Variants in STAG2 observed in about 807,000 individuals in gnomAD.
STAG2 encodes STAG2 cohesin complex component.
A neutral mutation model predicts 108.1 loss-of-function variants in STAG2; 14 were observed. That is an observed-to-expected ratio of 0.13 (90% CI 0.09 to 0.20). STAG2 has a LOEUF of 0.20. Ranked by LOEUF, STAG2 falls within the 10% of genes least tolerant of loss-of-function variation. STAG2 has a pLI of 1.00. For synonymous variants in STAG2, 307 were observed against 302.7 expected, an observed-to-expected ratio of 1.01 and a Z score of -0.15; for missense variants, 440 against 940.9, an observed-to-expected ratio of 0.47 and a Z score of 6.96.
chrX:123,992,871 C>A (rs186296274), intron 1 of STAG2, among the ~76,000 whole-genome samples: 1 of 110,563 alleles, frequency 9.0e-6, no homozygotes, highest in Non-Finnish European at 1.9e-5. Context: ...AAGAATGATT[C>A]TGCATTGAGT....
chrX:124,045,562 A>G (rs2057846576), intron 8 of STAG2, among the ~76,000 whole-genome samples, 194 bp downstream of exon 8: 1 of 111,514 alleles, frequency 9.0e-6, no homozygotes, highest in Non-Finnish European at 1.9e-5. Flanking sequence ...TTGTGAAGGT[A>G]TACTATAACT....
chrX:123,991,658 A>C (rs1344546508), intron 1 of STAG2, among the ~76,000 whole-genome samples: 3 of 103,695 alleles, frequency 2.9e-5, no homozygotes, highest in African/African-American at 1.1e-4. Flanking sequence ...CGGCCCAACA[A>C]CTATTTTCTT....
intron 4 of STAG2, among the ~76,000 whole-genome samples, chrX:124,027,216 G>A (rs1199708267): frequency 8.9e-6 from 1 of 111,974 alleles, no homozygotes; most frequent in Non-Finnish European, 1.9e-5. Context: ...ACCACGCCTG[G>A]CCATTCTCTT....
intron 1 of STAG2, among the ~76,000 whole-genome samples, chrX:123,977,065 C>T (rs949429645): frequency 2.4e-4 from 27 of 111,668 alleles, no homozygotes; most frequent in African/African-American, 8.8e-4. Flanking sequence ...TTTGAAGTTG[C>T]ATGTGATATG....
intron 1 of STAG2, among the ~76,000 whole-genome samples, chrX:123,976,775 A>G (rs2054640628): frequency 8.9e-6 from 1 of 111,776 alleles, no homozygotes. Flanking sequence ...ATTGTTAGAG[A>G]CTTGCCCAAG....
intron 4 of STAG2, among the ~76,000 whole-genome samples, chrX:124,028,823 T>TATATATA (rs1491294090): frequency 4.7e-4 from 24 of 50,577 alleles, no homozygotes; most frequent in African/African-American, 1.5e-3. Flanking sequence ...TATATATATA[T>TATATATA]TTTTTTTTTT....
intron 16 of STAG2, 28 bp from the exon 17 acceptor site, chrX:124,061,743 C>CTTTTTTTTT (rs36097834): frequency 4.4e-5 from 21 of 474,380 alleles, no homozygotes; most frequent in Middle Eastern, 6.6e-4. Context: ...CTCTTTCTGA[C>CTTTTTTTTT]TTTTTTTTTT....
intron 1 of STAG2, among the ~76,000 whole-genome samples, chrX:123,966,019 T>A (rs2054078279): frequency 9.0e-6 from 1 of 110,685 alleles, no homozygotes; most frequent in Non-Finnish European, 1.9e-5. Flanking sequence ...AAAAATAAAC[T>A]AAAATGTACA....
At chrX:124,083,206 TTG>T (rs199790131) in intron 28 of STAG2, among the ~76,000 whole-genome samples, 4 of 107,064 alleles carry the variant, frequency 3.7e-5, no homozygotes, top group African/African-American at 1.0e-4. Context: ...GTGTGTGTGT[TTG>T]TGTGTGTGTG....
chrX:124,080,630 G>A (rs1004305246), intron 27 of STAG2, among the ~76,000 whole-genome samples: 2 of 110,050 alleles, frequency 1.8e-5, no homozygotes, highest in Non-Finnish European at 3.8e-5. Context: ...GGAGGTTGCA[G>A]TGAGCCAAGA....
chrX:124,037,686 G>GTGCTAACA, intron 6 of STAG2, 63 bp downstream of exon 6: 2 of 704,552 alleles, frequency 2.8e-6, no homozygotes, highest in Non-Finnish European at 4.2e-6. Flanking sequence ...TCCACCTAAA[G>GTGCTAACA]AGATGTTGTT....
chrX:124,065,803 A>T, intron 20 of STAG2, 73 bp from the exon 21 acceptor site: 1 of 712,633 alleles, frequency 1.4e-6, no homozygotes, highest in Non-Finnish European at 2.0e-6. Context: ...TCATTTTTCA[A>T]GGTAATAGTG....
intron 8 of STAG2, among the ~76,000 whole-genome samples, chrX:124,047,119 C>T (rs897533977): frequency 2.7e-5 from 3 of 111,218 alleles, no homozygotes; most frequent in Non-Finnish European, 5.7e-5. Flanking sequence ...TCAATTTTGC[C>T]GTGAATGAAA....
chrX:124,061,743 C>CTTTTTTTTTTTTT (rs36097834), intron 16 of STAG2, 28 bp from the exon 17 acceptor site: 3 of 474,389 alleles, frequency 6.3e-6, no homozygotes, highest in South Asian at 4.4e-5. Context: ...CTCTTTCTGA[C>CTTTTTTTTTTTTT]TTTTTTTTTT....
intron 6 of STAG2, among the ~76,000 whole-genome samples, chrX:124,039,088 A>G (rs1376596674): frequency 3.6e-5 from 4 of 109,824 alleles, no homozygotes; most frequent in Non-Finnish European, 7.6e-5. Flanking sequence ...AACAGATGCC[A>G]GAAATAACGT....
rs748906058 is a variant in STAG2 at position 124,066,143 on chromosome X, ATT to A, written c.2097-6_2097-5del. On this transcript the variant is annotated intron_variant, in intron 21 of 34. Coordinates refer to ENST00000371145, the MANE Select transcript of STAG2 (RefSeq NM_001042750.2). Reference sequence around the variant, plus strand: ...AGGCTTAGCTTTTTAATAAAACTTAATTTTTTTTTTTTTTTTTTTTTTTTTTT... The same window carrying A: ...AGGCTTAGCTTTTTAATAAAACTTAATTTTTTTTTTTTTTTTTTTTTTTTT... 64,184 of 541,922 alleles carry A rather than the reference ATT, an allele frequency of 0.12. 938 individuals are homozygous for A. The highest frequency in any genetic ancestry group is 0.22 in the African/African-American group (5,334 of 24,425). 44.7% of individuals were successfully genotyped at this position (541,922 alleles called of 1,213,427 possible).
At chrX:123,967,970 G>A (rs2054184405) in intron 1 of STAG2, among the ~76,000 whole-genome samples, 1 of 108,336 alleles carries the variant, frequency 9.2e-6, no homozygotes, top group Non-Finnish European at 1.9e-5. Context: ...GCGAGATCTT[G>A]GCTCACTGCA....
At chrX:123,999,961 G>A (rs2055949671) in intron 1 of STAG2, among the ~76,000 whole-genome samples, 1 of 105,242 alleles carries the variant, frequency 9.5e-6, no homozygotes, top group Admixed American at 1.0e-4. Context: ...GTCTTGCTAT[G>A]TTGCCCAGGC....
At chrX:123,976,333 G>A (rs2054617081) in intron 1 of STAG2, among the ~76,000 whole-genome samples, 1 of 111,693 alleles carries the variant, frequency 9.0e-6, no homozygotes, top group African/African-American at 3.3e-5. Context: ...GTAACTGGAG[G>A]CAATTGTGTG....
Sources: gnomAD v4.1 joint callset for allele counts (sites outside exome capture counted in the v4.1 genomes callset) on GRCh38, gnomAD v4.1.1 for gene constraint, MANE v1.5 for transcripts, NCBI Gene and HGNC (gene_info 2026-07-23, HGNC 2026-07-21) for gene names.